The following MYT1L variants were observed in gnomAD, a reference collection of about 807,000 sequenced individuals.
MYT1L encodes the protein myelin transcription factor 1-like protein.
Under a neutral mutation model 126.7 loss-of-function variants are expected in MYT1L, and 12 were observed. The ratio of observed to expected loss-of-function variants is 0.09; its 90% confidence interval spans 0.06 to 0.15. The LOEUF (loss-of-function observed/expected upper bound fraction) is 0.15. Among genes scored for constraint, MYT1L ranks in the 10% least tolerant of loss-of-function variants. The pLI is 1.00. For synonymous variants in MYT1L, 541 were observed against 604.2 expected, an observed-to-expected ratio of 0.90 and a Z score of 1.53; for missense variants, 979 against 1,585.2, an observed-to-expected ratio of 0.62 and a Z score of 6.49.
intron 2 of MYT1L, among the ~76,000 whole-genome samples, chr2:2,207,409 C>A (rs78507521): frequency 2.6e-5 from 4 of 152,158 alleles, no homozygotes; most frequent in African/African-American, 7.2e-5. Flanking sequence ...CGTCCAGAAA[C>A]GCCCTGAGGA....
At chr2:2,051,264 G>C (rs1330511430) in intron 4 of MYT1L, among the ~76,000 whole-genome samples, 1 of 152,114 alleles carries the variant, frequency 6.6e-6, no homozygotes, top group Non-Finnish European at 1.5e-5. Context: ...TCTAAGTTTT[G>C]TATTTTTCTT....
chr2:1,875,155 T>C (rs3934845), intron 18 of MYT1L, among the ~76,000 whole-genome samples: 48,301 of 152,166 alleles, frequency 0.32, 9,370 homozygotes, highest in African/African-American at 0.55. Flanking sequence ...AAGGCTTCTA[T>C]GTTCCGGCGC....
rs2035745533 is a variant in MYT1L at position 1,806,534 on chromosome 2, C to T, written c.3172+2542G>A. ...GTTGTTGGTTCCTCTAGTTTAGAGT[C>T]ACAGACCAACTGCTTATCTTTATCC... On this transcript the variant is annotated intron_variant, in intron 22 of 24. Transcript: ENST00000647738. The surrounding 1 kb of genome is among the most constrained non-coding windows in gnomAD (Gnocchi z 4.9). Among the ~76,000 whole-genome samples the T allele has an allele frequency of 6.6e-6, 1 of 152,210 alleles. No homozygotes were observed. The highest frequency in any genetic ancestry group is 6.5e-5 in the Admixed American group (1 of 15,286).
intron 2 of MYT1L, among the ~76,000 whole-genome samples, chr2:2,233,761 G>A (rs1172109023): frequency 6.6e-6 from 1 of 152,186 alleles, no homozygotes; most frequent in Admixed American, 6.5e-5. Flanking sequence ...TAGCTATCAT[G>A]TTGAACCAAG....
intron 12 of MYT1L, among the ~76,000 whole-genome samples, chr2:1,911,319 G>A (rs140811817): frequency 3.5e-4 from 54 of 152,188 alleles, no homozygotes; most frequent in African/African-American, 1.1e-3. Flanking sequence ...ACAATTTTAC[G>A]TGAACTCATA....
At chr2:2,286,277 C>A (rs1208007652) in intron 1 of MYT1L, among the ~76,000 whole-genome samples, 3 of 152,104 alleles carry the variant, frequency 2.0e-5, no homozygotes, top group Non-Finnish European at 4.4e-5. Context: ...TTACCACACC[C>A]GGCCTGTTCT....
chr2:1,815,180 G>A (rs7596382), intron 21 of MYT1L, among the ~76,000 whole-genome samples: 4,687 of 152,268 alleles, frequency 0.031, 82 homozygotes, highest in Non-Finnish European at 0.037. Context: ...AGTGAGCTCC[G>A]GCCGCCACAG....
At chr2:2,235,985 G>A (rs538553783) in intron 2 of MYT1L, among the ~76,000 whole-genome samples, 45 of 152,172 alleles carry the variant, frequency 3.0e-4, no homozygotes, top group African/African-American at 9.9e-4. Flanking sequence ...AGATAATAGC[G>A]TATCATTACC....
At chr2:2,305,133 T>A (rs975985341) in intron 1 of MYT1L, among the ~76,000 whole-genome samples, 1 of 152,136 alleles carries the variant, frequency 6.6e-6, no homozygotes, top group Non-Finnish European at 1.5e-5. Context: ...GGAGATAAGG[T>A]AAAATTGATT....
At position 1,975,395 on chromosome 2, in the gene MYT1L, C is replaced by T. The variant is rs2060094109; in HGVS notation, c.152+3770G>A. 9.9e-5 allele frequency among the ~76,000 whole-genome samples: 15 copies of T among 152,210 alleles called. No homozygotes were observed. In the South Asian group the frequency reaches 3.1e-3, roughly 32 times the overall value. On this transcript the variant is annotated intron_variant, in intron 8 of 24. Coordinates refer to ENST00000647738, the MANE Select transcript of MYT1L (RefSeq NM_001303052.2). ...AATTGTAAACTACAATTGTGAGAAA[C>T]ATTTGATTTCCTTAAAAATCTCTTA... is the stretch of plus-strand genomic sequence containing the variant.
In MYT1L at chr2:2,122,872, T is replaced by TGTGTGA. The variant is rs553951630; in HGVS notation, c.-304+49999_-304+50000insTCACAC. ...GTGTGTGTGTGTGTGTGTGTGTGTGTGAGAGAGAGAGAGAGAGAGACCAAT... is the reference window on the plus strand; with the variant it reads ...GTGTGTGTGTGTGTGTGTGTGTGTGTGTGTGAGAGAGAGAGAGAGAGAGAGACCAAT... On this transcript the variant is annotated intron_variant, in intron 3 of 24. Coordinates refer to ENST00000647738, the MANE Select transcript of MYT1L (RefSeq NM_001303052.2). Among the ~76,000 whole-genome samples, 312 of 133,052 alleles carry TGTGTGA rather than the reference T, an allele frequency of 2.3e-3. 1 individual carries two copies. Among genetic ancestry groups the TGTGTGA allele is most frequent in the African/African-American group, 8.6e-3 (292 of 33,774 alleles). 87.3% of individuals were successfully genotyped at this position (133,052 alleles called of 152,430 possible).
At chr2:1,976,579 T>C (rs191644818) in intron 8 of MYT1L, among the ~76,000 whole-genome samples, 5 of 152,256 alleles carry the variant, frequency 3.3e-5, no homozygotes, top group African/African-American at 1.2e-4. Flanking sequence ...GAGACAGAGG[T>C]TGCAGTGAGC....
chr2:2,212,735 T>A (rs2093565315), intron 2 of MYT1L, among the ~76,000 whole-genome samples: 1 of 152,224 alleles, frequency 6.6e-6, no homozygotes, highest in African/African-American at 2.4e-5. Flanking sequence ...GTTCTCATGG[T>A]TGTAGTCATT....
At chr2:2,137,330 A>G (rs1034309527) in intron 3 of MYT1L, among the ~76,000 whole-genome samples, 4 of 150,878 alleles carry the variant, frequency 2.7e-5, no homozygotes, top group African/African-American at 9.7e-5. Context: ...ACAGAATTGG[A>G]AAAAACTACT....
chr2:2,152,170 A>G (rs2085905217), intron 3 of MYT1L, among the ~76,000 whole-genome samples: 1 of 152,246 alleles, frequency 6.6e-6, no homozygotes, highest in African/African-American at 2.4e-5. Flanking sequence ...TGATTTGAAC[A>G]CAAGTGCTGC....
At chr2:2,248,990 C>T (rs1220210586) in intron 2 of MYT1L, among the ~76,000 whole-genome samples, 1 of 151,916 alleles carries the variant, frequency 6.6e-6, no homozygotes, top group East Asian at 1.9e-4. Context: ...TGTTGTTATT[C>T]AAGATAGTAC....
At chr2:2,202,700 G>A (rs1382686246) in intron 2 of MYT1L, among the ~76,000 whole-genome samples, 1 of 152,122 alleles carries the variant, frequency 6.6e-6, no homozygotes, top group African/African-American at 2.4e-5. Flanking sequence ...GGTACAAGGA[G>A]GAGCTGGTAC....
intron 3 of MYT1L, among the ~76,000 whole-genome samples, chr2:2,102,714 C>T (rs2078249077): frequency 6.6e-6 from 1 of 151,548 alleles, no homozygotes; most frequent in Admixed American, 6.6e-5. Flanking sequence ...CCGTGAAGCA[C>T]TGAGTGCTGG....
chr2:2,248,824 G>A (rs746300440), intron 2 of MYT1L, among the ~76,000 whole-genome samples: 6 of 151,970 alleles, frequency 3.9e-5, no homozygotes, highest in African/African-American at 1.2e-4. Flanking sequence ...GTTCAACATC[G>A]CTTTATGATA....
Sources: allele counts gnomAD v4.1 joint callset (sites outside exome capture counted in the v4.1 genomes callset), GRCh38; gene constraint gnomAD v4.1.1; non-coding constraint Gnocchi (gnomAD v3.1); transcripts MANE v1.5; gene names NCBI Gene and HGNC (gene_info 2026-07-23, HGNC 2026-07-21).